DIO2: variants seen among roughly 807,000 people sequenced by gnomAD.
The protein encoded by DIO2 is type II iodothyronine deiodinase.
In DIO2, 19 loss-of-function variants were observed where a neutral mutation model predicts 21.4. The ratio of observed to expected loss-of-function variants is 0.89; its 90% CI spans 0.62 to 1.30. The LOEUF (loss-of-function observed/expected upper bound fraction) is 1.30. Among genes scored for constraint, DIO2 ranks in the 50% most tolerant of loss-of-function variants. The probability of loss-of-function intolerance (pLI) is 0.00; values close to 1 mark genes in which losing one functional copy is unlikely to be tolerated. For synonymous variants in DIO2, 122 were observed against 132.9 expected (o/e 0.92, Z 0.57); for missense variants, 302 against 338.1 (o/e 0.89, Z 0.84).
chr14:80,217,599 G>A (rs911279983), intron 2 of DIO2, among the ~76,000 whole-genome samples: 3 of 152,102 alleles, frequency 2.0e-5, no homozygotes, highest in Admixed American at 2.0e-4. Context: ...GATGGACACT[G>A]GGAGTCTTTT....
At chr14:80,219,297 G>A (rs1400216125) in intron 2 of DIO2, 1 of 152,196 alleles carries the variant, frequency 6.6e-6, no homozygotes. Flanking sequence ...TGCAATAGAT[G>A]CTAAATATTA....
chr14:80,214,043 G>T (rs1483695794), upstream of DIO2, among the ~76,000 whole-genome samples: 2 of 152,156 alleles, frequency 1.3e-5, no homozygotes, highest in Non-Finnish European at 2.9e-5. Context: ...ACTACTCAAT[G>T]TCCTTATGGG....
Position 80,203,285 on chromosome 14 carries a change from T to G in DIO2, c.226A>C (p.Lys76Gln). Residue 76 changes from lysine (K) to glutamine (Q), a missense_variant, in exon 2 of 2, where the codon AAA (lysine) becomes CAA (glutamine). By Grantham distance (53) the Lys-to-Gln change is moderately conservative. Coordinates refer to ENST00000438257, the MANE Select transcript of DIO2 (RefSeq NM_013989.5). ...SFLLDAYKQV[K>Q]LGEDAPNSSV... ...GAATTGGGGGCATCCTCACCCAATT[T>G]CACCTGACGGTAAAAAAAAAAAAAA... is the stretch of plus-strand genomic sequence containing the variant. 1 of 1,505,710 alleles carries G rather than the reference T, an allele frequency of 6.6e-7. No individual in the cohort carries two copies. The highest frequency in any genetic ancestry group is 8.8e-7 in the Non-Finnish European group (1 of 1,133,380). The allele number at this position is 1,505,710 out of a possible 1,614,324, so 93.3% of individuals were successfully genotyped here. A position where few individuals can be genotyped will look rare whatever the true frequency, so the allele number is the denominator to read the frequency against.
intron 1 of DIO2, among the ~76,000 whole-genome samples, chr14:80,207,632 T>C (rs1225572873): frequency 2.0e-5 from 3 of 152,200 alleles, no homozygotes; most frequent in Admixed American, 6.5e-5. Flanking sequence ...GCTACATCAA[T>C]GTCCTTAGAA....
upstream of DIO2, among the ~76,000 whole-genome samples, chr14:80,213,145 T>C (rs1470662595): frequency 6.6e-6 from 1 of 152,234 alleles, no homozygotes; most frequent in Admixed American, 6.5e-5. Flanking sequence ...TTGACCATTG[T>C]TCATTGGCTT....
At chr14:80,216,848 C>T (rs538350253) in intron 2 of DIO2, 1 of 152,112 alleles carries the variant, frequency 6.6e-6, no homozygotes, top group African/African-American at 2.4e-5. Flanking sequence ...TCGTAGGAAA[C>T]CACCGGATGA....
chr14:80,202,214 A>T lies in DIO2; in HGVS notation c.*475T>A. The stretch of plus-strand genomic sequence containing the variant: ...CTAACCTTAACACCAACGTCTAACC[A>T]CATGGCCTGGGTTCAAGGACTTGTT... On this transcript the variant is annotated 3_prime_UTR_variant, in exon 2 of 2. Transcript: ENST00000438257. 2.1e-6 allele frequency: 1 copy of T among 478,206 alleles called. No homozygotes were observed. Among genetic ancestry groups the T allele is most frequent in the South Asian group, 1.6e-5 (1 of 62,956 alleles). The allele number at this position is 478,206 out of a possible 1,614,324, so 29.6% of individuals were successfully genotyped here.
chr14:80,205,518 G>A, intron 1 of DIO2: 2 of 1,008,736 alleles, frequency 2.0e-6, no homozygotes, highest in Non-Finnish European at 2.6e-6. Context: ...CATCCGAGCA[G>A]ACCTGTTGAT....
intron 2 of DIO2, among the ~76,000 whole-genome samples, chr14:80,229,919 T>C (rs976166120): frequency 1.3e-5 from 2 of 152,120 alleles, no homozygotes; most frequent in Non-Finnish European, 1.5e-5. Context: ...CACCTCCTCA[T>C]GAGTCACACT....
At chr14:80,207,756 T>A (rs996638401) in intron 1 of DIO2, among the ~76,000 whole-genome samples, 1 of 152,220 alleles carries the variant, frequency 6.6e-6, no homozygotes, top group South Asian at 2.1e-4. Flanking sequence ...AATTCCCTTT[T>A]AGCTATTCTC....
At chr14:80,228,713 T>C (rs1888627395) in intron 2 of DIO2, among the ~76,000 whole-genome samples, 1 of 152,192 alleles carries the variant, frequency 6.6e-6, no homozygotes, top group Non-Finnish European at 1.5e-5. Flanking sequence ...AATTGTGCAT[T>C]CTGGCACTGG....
Position 80,199,909 on chromosome 14 carries a change from G to C in DIO2, c.*2780C>G, listed in dbSNP as rs1452412410. 6.6e-6 allele frequency: 1 copy of C among 152,430 alleles called. No homozygotes were observed. Among genetic ancestry groups the C allele is most frequent in the Non-Finnish European group, 1.5e-5 (1 of 68,012 alleles). The allele number at this position is 152,430 out of a possible 1,614,324, so 9.4% of individuals were successfully genotyped here. ...GATACACATTTCCCTGTGGGACTAA[G>C]AACTACAATTCTTCAAAGGAACAAA... On this transcript the variant is annotated 3_prime_UTR_variant, in exon 2 of 2. Transcript: ENST00000438257.
chr14:80,205,805 T>G (rs1594874320), intron 1 of DIO2: 2 of 973,822 alleles, frequency 2.1e-6, no homozygotes, highest in East Asian at 1.2e-4. Context: ...AGCATTTTGT[T>G]AGGATTAGGG....
chr14:80,208,058 T>C (rs1888018093), intron 1 of DIO2, among the ~76,000 whole-genome samples: 2 of 152,228 alleles, frequency 1.3e-5, no homozygotes, highest in African/African-American at 2.4e-5. Context: ...CCTGTCAGCA[T>C]CTATACTGTG....
rs1035644615 is a variant in DIO2, at chr14:80,227,895, G to A, written c.-277-11158C>T. Among the ~76,000 whole-genome samples the A allele has an allele frequency of 5.3e-5, 8 of 152,200 alleles. No individual in the cohort carries two copies. In the East Asian group the frequency reaches 5.8e-4, roughly 11 times the overall value. ...TAGGCGTTGTGCCTCTTTCTTGGTT[G>A]TAGGAGGGGCCAAATGCAGCAACTT... On this transcript the variant is annotated intron_variant, in intron 2 of 4. Transcript: ENST00000553594.
At chr14:80,214,683 T>G (rs1477712244), upstream of DIO2, among the ~76,000 whole-genome samples, 2 of 152,184 alleles carry the variant, frequency 1.3e-5, no homozygotes, top group African/African-American at 4.8e-5. Flanking sequence ...TCTCCAAAGC[T>G]ATTTCTTTTT....
rs1041490356 is a variant in DIO2 at position 80,211,287 on chromosome 14, G to A, written c.186C>T (p.Cys62=). ...CATCGAGGAGGAAGCTCTTCCAGAC[G>A]CAGCGCAGTCCCTCTGAGGTCAGCA... ...RRMLTSEGLR[C]VWKSFLLDAY... is the part of the protein sequence containing the mutation. The change falls in exon 1 of 2, where the codon TGC becomes TGT. Residue 62 remains cysteine, a synonymous_variant. Coordinates refer to ENST00000438257, the MANE Select transcript of DIO2 (RefSeq NM_013989.5). 5.6e-6 allele frequency: 9 copies of A among 1,612,722 alleles called. No homozygotes were observed. The highest frequency in any genetic ancestry group is 7.6e-6 in the Non-Finnish European group (9 of 1,179,846).
chr14:80,222,394 T>A (rs1888482958), intron 2 of DIO2, among the ~76,000 whole-genome samples: 2 of 152,230 alleles, frequency 1.3e-5, no homozygotes. Flanking sequence ...CAGAAATGAT[T>A]ACAAAGTTTG....
At chr14:80,209,808 GCAT>G (rs1888100410) in intron 1 of DIO2, among the ~76,000 whole-genome samples, 3 of 152,148 alleles carry the variant, frequency 2.0e-5, no homozygotes, top group Admixed American at 1.3e-4. Context: ...ATAAAGACGT[GCAT>G]TGTGGTAAAA....
Sources: gnomAD v4.1 joint callset for allele counts (sites outside exome capture counted in the v4.1 genomes callset) on GRCh38, gnomAD v4.1.1 for gene constraint, MANE v1.5 for transcripts, NCBI Gene and HGNC (gene_info 2026-07-23, HGNC 2026-07-21) for gene names.